The following CPHXL2 variants were observed in gnomAD, a reference collection of about 807,000 sequenced individuals.
The protein encoded by CPHXL2 is cytoplasmic polyadenylated homeobox like 2.
At chr16:75,676,711 T>C in the CPHXL2 span, among the ~76,000 whole-genome samples, 8 of 152,210 alleles carry the variant, frequency 5.3e-5, no homozygotes, top group African/African-American at 1.9e-4. Flanking sequence ...CCCAAGATTT[T>C]TTACCTTTTA....
At chr16:75,671,271 C>T in the CPHXL2 span, among the ~76,000 whole-genome samples, 1 of 150,622 alleles carries the variant, frequency 6.6e-6, no homozygotes, top group African/African-American at 2.4e-5. Context: ...GAGGTGGGAG[C>T]ATCGCTTGAG....
the CPHXL2 span, among the ~76,000 whole-genome samples, chr16:75,675,219 A>C: frequency 5.4e-5 from 8 of 149,176 alleles, no homozygotes; most frequent in African/African-American, 2.0e-4. Flanking sequence ...ATGGGGTTTC[A>C]CCATATTGGT....
chr16:75,673,754 G>A, the CPHXL2 span, among the ~76,000 whole-genome samples: 17 of 151,494 alleles, frequency 1.1e-4, no homozygotes, highest in African/African-American at 3.1e-4. Flanking sequence ...AAGCGGGGGC[G>A]AATGGCTTGA....
the CPHXL2 span, chr16:75,661,206 CTT>C: frequency 2.5e-6 from 1 of 400,638 alleles, no homozygotes; most frequent in African/African-American, 2.1e-5. Context: ...TATTCTTTGT[CTT>C]TCTTCCGGTG....
the CPHXL2 span, among the ~76,000 whole-genome samples, chr16:75,663,364 A>G: frequency 2.2e-3 from 329 of 152,316 alleles, no homozygotes; most frequent in Non-Finnish European, 3.9e-3. Context: ...CAGGAGTGCT[A>G]TGGTTTAAAT....
At chr16:75,669,675 T>A in the CPHXL2 span, 7 of 395,358 alleles carry the variant, frequency 1.8e-5, no homozygotes, top group African/African-American at 1.2e-4. Context: ...AGGCGTGACC[T>A]CATAGCTACT....
chr16:75,664,637 A>AAG, the CPHXL2 span, among the ~76,000 whole-genome samples: 3 of 150,716 alleles, frequency 2.0e-5, no homozygotes, highest in African/African-American at 7.4e-5. Flanking sequence ...AAAAAAAAAA[A>AAG]AAAAAGAAAG....
At chr16:75,676,680 A>G in the CPHXL2 span, among the ~76,000 whole-genome samples, 1 of 152,154 alleles carries the variant, frequency 6.6e-6, no homozygotes, top group Non-Finnish European at 1.5e-5. Flanking sequence ...CTGATCTAGA[A>G]CCCATCCATT....
chr16:75,675,147 C>A, the CPHXL2 span, among the ~76,000 whole-genome samples: 3 of 150,434 alleles, frequency 2.0e-5, no homozygotes, highest in African/African-American at 7.3e-5. Flanking sequence ...CGAGATCGTG[C>A]CACTGCACTC....
chr16:75,672,876 G>T, the CPHXL2 span, among the ~76,000 whole-genome samples: 1 of 150,006 alleles, frequency 6.7e-6, no homozygotes, highest in Non-Finnish European at 1.5e-5. Flanking sequence ...AACAAAATGA[G>T]ACCTCAGTTT....
the CPHXL2 span, among the ~76,000 whole-genome samples, chr16:75,665,178 GTCA>G: frequency 6.6e-6 from 1 of 152,150 alleles, no homozygotes; most frequent in Admixed American, 6.5e-5. Context: ...TAGGCACATT[GTCA>G]TCAAGTTCGT....
chr16:75,669,296 A>T, the CPHXL2 span: 2 of 390,678 alleles, frequency 5.1e-6, no homozygotes, highest in Non-Finnish European at 8.9e-6. Flanking sequence ...AGACTGGGCG[A>T]CTGGAGTGAG....
At chr16:75,664,907 C>T in the CPHXL2 span, among the ~76,000 whole-genome samples, 17 of 152,210 alleles carry the variant, frequency 1.1e-4, no homozygotes, top group Admixed American at 9.2e-4. Context: ...AGAAAACTCT[C>T]ACCAGATGCA....
the CPHXL2 span, chr16:75,660,538 G>A: frequency 7.5e-6 from 3 of 398,538 alleles, no homozygotes; most frequent in Non-Finnish European, 1.3e-5. Context: ...ATTGGCAGCT[G>A]TTCCTGCAAC....
At chr16:75,666,905 CTG>C in the CPHXL2 span, among the ~76,000 whole-genome samples, 1 of 152,136 alleles carries the variant, frequency 6.6e-6, no homozygotes, top group African/African-American at 2.4e-5. Context: ...TGGAATAAAA[CTG>C]GGAATCAACT....
the CPHXL2 span, chr16:75,676,954 A>G: frequency 2.5e-6 from 1 of 398,432 alleles, no homozygotes; most frequent in Non-Finnish European, 4.4e-6. Context: ...TCTCACAACA[A>G]AACACATTGA....
the CPHXL2 span, among the ~76,000 whole-genome samples, chr16:75,667,702 G>A: frequency 6.6e-6 from 1 of 152,198 alleles, no homozygotes; most frequent in African/African-American, 2.4e-5. Flanking sequence ...TTTCAAATTT[G>A]TATCTTCTAC....
At chr16:75,671,223 G>A in the CPHXL2 span, among the ~76,000 whole-genome samples, 2 of 152,304 alleles carry the variant, frequency 1.3e-5, no homozygotes, top group Middle Eastern at 3.4e-3. Context: ...AGCCAGGCGT[G>A]GTGGTGTGCA....
At chr16:75,665,983 G>A in the CPHXL2 span, among the ~76,000 whole-genome samples, 1 of 152,138 alleles carries the variant, frequency 6.6e-6, no homozygotes, top group Non-Finnish European at 1.5e-5. Flanking sequence ...AAAACATATG[G>A]AATTGCAGAA....
Sources: gnomAD v4.1 joint callset for allele counts (sites outside exome capture counted in the v4.1 genomes callset) on GRCh38, gnomAD v4.1.1 for gene constraint, MANE v1.5 for transcripts, NCBI Gene and HGNC (gene_info 2026-07-23, HGNC 2026-07-21) for gene names.